DAPP1: variants seen among roughly 807,000 people sequenced by gnomAD.
The protein encoded by DAPP1 is dual adaptor of phosphotyrosine and 3-phosphoinositides 1.
DAPP1 carries 20 observed loss-of-function variants against 41.5 expected under a neutral mutation model. That is an observed-to-expected ratio of 0.48 (90% CI 0.34 to 0.70). The LOEUF is 0.70. Among genes scored for constraint, DAPP1 ranks in the 30% least tolerant of loss-of-function variants. The probability of loss-of-function intolerance (pLI) is 0.01; values close to 1 mark genes in which losing one functional copy is unlikely to be tolerated. For missense variants in DAPP1, 233 were observed against 333.4 expected, an observed-to-expected ratio of 0.70 and a Z score of 2.35; for synonymous variants, 113 against 116.2, an observed-to-expected ratio of 0.97 and a Z score of 0.18.
intron 4 of DAPP1, among the ~76,000 whole-genome samples, chr4:99,860,498 A>G (rs911171301): frequency 6.6e-6 from 1 of 152,236 alleles, no homozygotes. Flanking sequence ...GAGATATCAA[A>G]TTCACCAATA....
chr4:99,824,915 G>C (rs184698612), intron 1 of DAPP1, among the ~76,000 whole-genome samples: 1 of 152,186 alleles, frequency 6.6e-6, no homozygotes, highest in South Asian at 2.1e-4. Context: ...CCTGGGGACC[G>C]AACAGAAGGA....
intron 3 of DAPP1, among the ~76,000 whole-genome samples, chr4:99,840,633 T>C (rs533777130): frequency 6.6e-6 from 1 of 152,310 alleles, no homozygotes; most frequent in African/African-American, 2.4e-5. Flanking sequence ...TAAAATGGGC[T>C]CACCATTTTA....
At chr4:99,856,397 A>G (rs1724045492) in intron 4 of DAPP1, among the ~76,000 whole-genome samples, 2 of 152,190 alleles carry the variant, frequency 1.3e-5, no homozygotes, top group African/African-American at 4.8e-5. Flanking sequence ...CAGGCAGAGG[A>G]AACAGTACAA....
chr4:99,853,240 T>A lies in DAPP1; in HGVS notation c.381T>A (p.His127Gln). 1.9e-6 allele frequency: 3 copies of A among 1,613,970 alleles called. No individual in the cohort carries two copies. Among genetic ancestry groups the A allele is most frequent in the Non-Finnish European group, 2.5e-6 (3 of 1,179,872 alleles). The change falls in exon 4 of 9, where the codon CAT (histidine) becomes CAA (glutamine). Residue 127 changes from histidine to glutamine, a missense_variant. Coordinates refer to ENST00000512369, the MANE Select transcript of DAPP1 (RefSeq NM_014395.3). ...CAGGCACTCTGATGGTTCTAAAACA[T>A]CCCTACCCAAGAAAAGTGGAAGAAC... ...SETGTLMVLK[H>Q]PYPRKVEEPS...
chr4:99,833,666 T>A (rs749543282), intron 1 of DAPP1, among the ~76,000 whole-genome samples: 1 of 152,246 alleles, frequency 6.6e-6, no homozygotes, highest in Non-Finnish European at 1.5e-5. Flanking sequence ...TATAATTGCC[T>A]GTCTCTCTTT....
chr4:99,872,175 A>G (rs1048991984), downstream of DAPP1, among the ~76,000 whole-genome samples: 6 of 152,354 alleles, frequency 3.9e-5, no homozygotes, highest in African/African-American at 1.2e-4. Flanking sequence ...TTGGAGCCAG[A>G]GAAGTTAGAC....
chr4:99,824,687 T>G (rs1278291596), intron 1 of DAPP1, among the ~76,000 whole-genome samples: 2 of 152,184 alleles, frequency 1.3e-5, no homozygotes, highest in Non-Finnish European at 2.9e-5. Context: ...TTGTGAGGGA[T>G]AAGTTACAAG....
At chr4:99,851,287 A>T (rs1271031842) in intron 3 of DAPP1, among the ~76,000 whole-genome samples, 1 of 152,158 alleles carries the variant, frequency 6.6e-6, no homozygotes, top group Non-Finnish European at 1.5e-5. Context: ...CGGTTCTGAT[A>T]ATGGCAAAAT....
chr4:99,858,803 T>C (rs938569023), intron 4 of DAPP1, among the ~76,000 whole-genome samples: 1 of 152,182 alleles, frequency 6.6e-6, no homozygotes, highest in African/African-American at 2.4e-5. Flanking sequence ...TGACTATCAT[T>C]ATTTATTTTG....
intron 5 of DAPP1, among the ~76,000 whole-genome samples, chr4:99,862,172 G>T (rs540508846): frequency 6.6e-6 from 1 of 152,150 alleles, no homozygotes; most frequent in African/African-American, 2.4e-5. Context: ...GCTCCTTCTC[G>T]TTTTAAGAGT....
chr4:99,837,525 A>G (rs980738979), intron 2 of DAPP1, among the ~76,000 whole-genome samples: 1 of 152,190 alleles, frequency 6.6e-6, no homozygotes, highest in Non-Finnish European at 1.5e-5. Flanking sequence ...AGATGAAAAA[A>G]TTATTAATCC....
At chr4:99,843,336 T>A (rs1460512779) in intron 3 of DAPP1, among the ~76,000 whole-genome samples, 1 of 152,196 alleles carries the variant, frequency 6.6e-6, no homozygotes, top group Non-Finnish European at 1.5e-5. Context: ...GTAAGAACAT[T>A]TTTGCACTCA....
At chr4:99,825,452 C>G (rs917591575) in intron 1 of DAPP1, among the ~76,000 whole-genome samples, 2 of 152,242 alleles carry the variant, frequency 1.3e-5, no homozygotes, top group Admixed American at 6.5e-5. Context: ...TGACTCCCAC[C>G]AAAAAACTTG....
intron 1 of DAPP1, among the ~76,000 whole-genome samples, chr4:99,818,332 C>G (rs376400626): frequency 4.6e-5 from 7 of 152,314 alleles, no homozygotes; most frequent in African/African-American, 1.7e-4. Context: ...AAAGCTAAAG[C>G]TGAACTGTGG....
At chr4:99,834,887 C>T (rs1433453589) in intron 1 of DAPP1, among the ~76,000 whole-genome samples, 1 of 152,176 alleles carries the variant, frequency 6.6e-6, no homozygotes, top group African/African-American at 2.4e-5. Context: ...AGGCCTCTTC[C>T]TGTGGCTTGG....
At chr4:99,861,760 G>T in intron 5 of DAPP1, 135 bp downstream of exon 5, 1 of 1,020,626 alleles carries the variant, frequency 9.8e-7, no homozygotes, top group Admixed American at 2.6e-5. Flanking sequence ...ATATTCACCT[G>T]ACTCAAGAGT....
chr4:99,857,937 A>T (rs1214165352), intron 4 of DAPP1, among the ~76,000 whole-genome samples: 1 of 152,180 alleles, frequency 6.6e-6, no homozygotes, highest in Non-Finnish European at 1.5e-5. Flanking sequence ...AATAATGTCA[A>T]AGTTACAGAA....
intron 6 of DAPP1, among the ~76,000 whole-genome samples, chr4:99,863,409 C>T (rs1223287760): frequency 6.6e-6 from 1 of 152,142 alleles, no homozygotes; most frequent in Non-Finnish European, 1.5e-5. Context: ...TCTCCATTTC[C>T]CATGCCCATT....
intron 2 of DAPP1, among the ~76,000 whole-genome samples, chr4:99,837,171 C>T (rs1398049170): frequency 6.6e-6 from 1 of 152,238 alleles, no homozygotes; most frequent in Non-Finnish European, 1.5e-5. Flanking sequence ...GTGATTAGTT[C>T]AGGCCCACTC....
Sources: gnomAD v4.1 joint callset for allele counts (sites outside exome capture counted in the v4.1 genomes callset) on GRCh38, gnomAD v4.1.1 for gene constraint, MANE v1.5 for transcripts, NCBI Gene and HGNC (gene_info 2026-07-23, HGNC 2026-07-21) for gene names.